Variants in AUTS2 observed in about 807,000 individuals in gnomAD.
The protein encoded by AUTS2 is activator of transcription and developmental regulator AUTS2.
AUTS2 carries 17 observed loss-of-function variants against 112.4 expected under a neutral mutation model. That is an observed-to-expected ratio of 0.15 (90% CI 0.10 to 0.23). The LOEUF (loss-of-function observed/expected upper bound fraction) is 0.23. Among genes scored for constraint, AUTS2 ranks in the 10% least tolerant of loss-of-function variants. The pLI is 1.00. For missense variants in AUTS2, 1,510 were observed against 1,701.6 expected (o/e 0.89, Z 1.98); for synonymous variants, 751 against 702.7 (o/e 1.07, Z -1.09).
chr7:70,204,931 T>C (rs1453540061), intron 4 of AUTS2, among the ~76,000 whole-genome samples: 1 of 152,198 alleles, frequency 6.6e-6, no homozygotes, highest in Non-Finnish European at 1.5e-5. Context: ...TAAAATTTTA[T>C]TTTGGTCTAT....
chr7:70,534,816 T>C (rs1266841933), intron 5 of AUTS2, among the ~76,000 whole-genome samples: 2 of 152,144 alleles, frequency 1.3e-5, no homozygotes, highest in African/African-American at 4.8e-5. Context: ...TAGGTAATAG[T>C]AATGGTGATT....
intron 4 of AUTS2, among the ~76,000 whole-genome samples, chr7:70,218,652 T>G (rs530215370): frequency 6.6e-6 from 1 of 152,332 alleles, no homozygotes; most frequent in Non-Finnish European, 1.5e-5. Context: ...TGGTACTAAT[T>G]AAATCATTAC....
intron 1 of AUTS2, among the ~76,000 whole-genome samples, chr7:69,705,893 G>A (rs1798045558): frequency 6.6e-6 from 1 of 151,920 alleles, no homozygotes; most frequent in Admixed American, 6.6e-5. Flanking sequence ...ACATATCCGT[G>A]TTCAGATTTC....
intron 4 of AUTS2, among the ~76,000 whole-genome samples, chr7:70,316,569 T>C (rs1790008309): frequency 6.6e-6 from 1 of 151,924 alleles, no homozygotes; most frequent in African/African-American, 2.4e-5. Flanking sequence ...GGTTAAATTT[T>C]TTGTATTTTT....
intron 6 of AUTS2, among the ~76,000 whole-genome samples, chr7:70,718,808 G>T (rs1251670608): frequency 3.3e-5 from 5 of 151,940 alleles, no homozygotes; most frequent in Non-Finnish European, 7.4e-5. Flanking sequence ...AAAATACCTT[G>T]CATTGGTATA....
chr7:70,322,481 C>A (rs1301617453), intron 4 of AUTS2, among the ~76,000 whole-genome samples: 1 of 152,064 alleles, frequency 6.6e-6, no homozygotes, highest in Admixed American at 6.6e-5. Flanking sequence ...TGTGGAGCCC[C>A]AGGAAAAGGT....
intron 6 of AUTS2, among the ~76,000 whole-genome samples, chr7:70,735,108 A>G (rs764808322): frequency 9.2e-5 from 14 of 152,158 alleles, no homozygotes; most frequent in African/African-American, 1.9e-4. Flanking sequence ...TGTTCATTTC[A>G]TATTCTCACA....
At chr7:70,407,829 C>T (rs1009510085) in intron 4 of AUTS2, among the ~76,000 whole-genome samples, 1 of 151,850 alleles carries the variant, frequency 6.6e-6, no homozygotes, top group Non-Finnish European at 1.5e-5. Flanking sequence ...CCAAGGCGGG[C>T]GGATCATGGG....
intron 1 of AUTS2, among the ~76,000 whole-genome samples, chr7:69,792,901 T>C (rs971741496): frequency 6.6e-6 from 1 of 152,082 alleles, no homozygotes; most frequent in Non-Finnish European, 1.5e-5. Flanking sequence ...TTATATACAA[T>C]AAATTCTGAG....
intron 1 of AUTS2, among the ~76,000 whole-genome samples, chr7:69,620,538 C>T (rs965292473): frequency 5.9e-5 from 9 of 152,140 alleles, no homozygotes; most frequent in African/African-American, 2.2e-4. Flanking sequence ...ATGACGAAAA[C>T]AGTGGGTGAT....
intron 2 of AUTS2, among the ~76,000 whole-genome samples, chr7:70,048,638 C>G (rs956876380): frequency 1.3e-5 from 2 of 152,146 alleles, no homozygotes; most frequent in African/African-American, 4.8e-5. Flanking sequence ...ACATTAGTGG[C>G]TTTTGGATGT....
chr7:70,003,261 AATATATT>A (rs908863814), intron 2 of AUTS2, among the ~76,000 whole-genome samples: 1 of 119,974 alleles, frequency 8.3e-6, no homozygotes, highest in Non-Finnish European at 1.6e-5. Flanking sequence ...ATGAATATAT[AATATATT>A]ATATATGTGA....
At chr7:70,583,973 C>T (rs938949628) in intron 5 of AUTS2, among the ~76,000 whole-genome samples, 1 of 152,138 alleles carries the variant, frequency 6.6e-6, no homozygotes, top group Non-Finnish European at 1.5e-5. Flanking sequence ...TTAATGTAAA[C>T]CACTAATGCT....
At chr7:69,920,191 A>AATT (rs1172705556) in intron 2 of AUTS2, among the ~76,000 whole-genome samples, 3 of 151,896 alleles carry the variant, frequency 2.0e-5, no homozygotes, top group Admixed American at 1.3e-4. Flanking sequence ...AATGTAATGA[A>AATT]ATTATTATTA....
chr7:69,786,457 T>C (rs1436106851), intron 1 of AUTS2, among the ~76,000 whole-genome samples: 2 of 152,008 alleles, frequency 1.3e-5, no homozygotes, highest in Non-Finnish European at 2.9e-5. Flanking sequence ...AGGACATTGG[T>C]GGGGAAAAAT....
chr7:70,507,873 A>G (rs1395386529), intron 5 of AUTS2, among the ~76,000 whole-genome samples: 2 of 152,226 alleles, frequency 1.3e-5, no homozygotes, highest in Admixed American at 1.3e-4. Flanking sequence ...TGAAAAGTGT[A>G]TGTGTACACA....
At chr7:70,204,980 C>T (rs1810495764) in intron 4 of AUTS2, among the ~76,000 whole-genome samples, 1 of 152,034 alleles carries the variant, frequency 6.6e-6, no homozygotes, top group Non-Finnish European at 1.5e-5. Context: ...GTGACTGTGT[C>T]CATCACTTTG....
At chr7:70,730,158 A>G (rs1787289924) in intron 6 of AUTS2, among the ~76,000 whole-genome samples, 1 of 151,978 alleles carries the variant, frequency 6.6e-6, no homozygotes, top group Non-Finnish European at 1.5e-5. Flanking sequence ...CTGGGATTAC[A>G]GGTGTGAGCC....
chr7:69,771,121 A>G (rs1167681876), intron 1 of AUTS2, among the ~76,000 whole-genome samples: 1 of 152,202 alleles, frequency 6.6e-6, no homozygotes, highest in Non-Finnish European at 1.5e-5. Flanking sequence ...TCCCCTGGCC[A>G]CTGTGCACTC....
Sources: gnomAD v4.1 joint callset for allele counts (sites outside exome capture counted in the v4.1 genomes callset) on GRCh38, gnomAD v4.1.1 for gene constraint, MANE v1.5 for transcripts, NCBI Gene and HGNC (gene_info 2026-07-23, HGNC 2026-07-21) for gene names.